CHD6: variants seen among roughly 807,000 people sequenced by gnomAD.
CHD6 encodes ATP-dependent chromatin remodeler CHD6.
In CHD6, 50 loss-of-function variants were observed where a neutral mutation model predicts 276.9. The observed-to-expected ratio is 0.18, with a 90% CI of 0.14 to 0.23. The LOEUF is 0.23. CHD6 is among the 10% of genes least tolerant of loss of function. The probability of loss-of-function intolerance (pLI) is 1.00; values close to 1 mark genes in which losing one functional copy is unlikely to be tolerated. For missense variants in CHD6, 2,564 were observed against 3,365.8 expected (o/e 0.76, Z 5.89); for synonymous variants, 1,173 against 1,229.3 (o/e 0.95, Z 0.96).
At chr20:41,416,552 C>CT in intron 33 of CHD6, 36 bp downstream of exon 33, 1 of 1,569,598 alleles carries the variant, frequency 6.4e-7, no homozygotes, top group South Asian at 1.1e-5. Context: ...GCCCACCATT[C>CT]TTTGTTTTGT....
intron 8 of CHD6, among the ~76,000 whole-genome samples, chr20:41,495,087 T>C (rs1206105233): frequency 6.6e-6 from 1 of 151,960 alleles, no homozygotes; most frequent in East Asian, 1.9e-4. Context: ...TCATATACCG[T>C]TTCCATCTTA....
chr20:41,613,346 T>C (rs2045906691), intron 1 of CHD6, among the ~76,000 whole-genome samples: 1 of 152,348 alleles, frequency 6.6e-6, no homozygotes, highest in East Asian at 1.9e-4. Flanking sequence ...CAAGAAAATG[T>C]CAGGCACATT....
intron 32 of CHD6, 139 bp from the exon 33 acceptor site, chr20:41,416,933 G>A (rs742433): frequency 1.3e-6 from 1 of 780,026 alleles, no homozygotes; most frequent in Non-Finnish European, 2.0e-6. Context: ...ACTTTATAAG[G>A]CTTAAAATAA....
At chr20:41,572,476 T>G (rs1477178761) in intron 1 of CHD6, among the ~76,000 whole-genome samples, 1 of 152,154 alleles carries the variant, frequency 6.6e-6, no homozygotes, top group Non-Finnish European at 1.5e-5. Flanking sequence ...TCTGCTGGCT[T>G]GTATCCCAGA....
chr20:41,444,911 A>C (rs1441088544), intron 25 of CHD6, among the ~76,000 whole-genome samples: 1 of 152,260 alleles, frequency 6.6e-6, no homozygotes, highest in African/African-American at 2.4e-5. Context: ...AGGTATACCT[A>C]ACTCTTTTCA....
chr20:41,468,584 G>A (rs1295474531), intron 17 of CHD6, among the ~76,000 whole-genome samples: 1 of 152,216 alleles, frequency 6.6e-6, no homozygotes, highest in African/African-American at 2.4e-5. Flanking sequence ...ATGTCCCAGT[G>A]ATCAAGAGAT....
At chr20:41,584,930 A>C (rs2045577807) in intron 1 of CHD6, among the ~76,000 whole-genome samples, 1 of 152,170 alleles carries the variant, frequency 6.6e-6, no homozygotes, top group African/African-American at 2.4e-5. Context: ...GAAGCAGAAG[A>C]AATCATAATG....
chr20:41,476,124 C>G (rs2043163028), intron 16 of CHD6, among the ~76,000 whole-genome samples: 1 of 152,050 alleles, frequency 6.6e-6, no homozygotes, highest in African/African-American at 2.4e-5. Flanking sequence ...AAACTGACAG[C>G]TGGAGAGGCA....
chr20:41,456,208 A>G (rs1229157893), intron 18 of CHD6, among the ~76,000 whole-genome samples: 1 of 152,088 alleles, frequency 6.6e-6, no homozygotes, highest in Non-Finnish European at 1.5e-5. Context: ...CACATGATCC[A>G]AGGTCCCTAA....
chr20:41,404,566 A>G lies in CHD6; in HGVS notation c.*27T>C. 1 of 1,471,792 alleles carries G rather than the reference A, an allele frequency of 6.8e-7. No individual in the cohort carries two copies. 91.2% of individuals were successfully genotyped at this position (1,471,792 alleles called of 1,614,324 possible). ...TTATGGGATAAGAAACTTACAAGTC[A>G]CAATAATTTCTTAAATGAAAAAAGT... On this transcript the variant is annotated 3_prime_UTR_variant, in exon 37 of 37. Coordinates refer to ENST00000373233, the MANE Select transcript of CHD6 (RefSeq NM_032221.5).
intron 25 of CHD6, among the ~76,000 whole-genome samples, chr20:41,442,320 T>C (rs1005976805): frequency 6.6e-6 from 1 of 150,820 alleles, no homozygotes; most frequent in African/African-American, 2.4e-5. Flanking sequence ...GGCATGGTGG[T>C]GTGCACCTGT....
chr20:41,518,455 AG>A lies in CHD6; in HGVS notation c.555-3504del, dbSNP rs199715558. On this transcript the variant is annotated intron_variant, in intron 3 of 36. Transcript: ENST00000373233. ...TTTGAGCAACATGTTAAATGTTGAA[AG>A]GAGGGGGGAATCATGGTGAAGCACT... 5.6e-3 allele frequency among the ~76,000 whole-genome samples: 851 copies of A among 152,288 alleles called. 8 individuals are homozygous for A. The highest frequency in any genetic ancestry group is 0.024 in the Middle Eastern group (7 of 294).
At chr20:41,423,424 T>A in intron 30 of CHD6, 68 bp downstream of exon 30, 1 of 1,469,194 alleles carries the variant, frequency 6.8e-7, no homozygotes, top group Non-Finnish European at 9.5e-7. Flanking sequence ...CCTAAAGTAA[T>A]TCTGCAATTT....
intron 1 of CHD6, among the ~76,000 whole-genome samples, chr20:41,596,151 C>T (rs1030725620): frequency 6.6e-6 from 1 of 152,158 alleles, no homozygotes; most frequent in Non-Finnish European, 1.5e-5. Flanking sequence ...CCAAACATGC[C>T]CCTCCCTCAG....
chr20:41,499,243 G>T, intron 6 of CHD6, 52 bp downstream of exon 6: 1 of 1,401,150 alleles, frequency 7.1e-7, no homozygotes. Context: ...TCTCTTCACA[G>T]AAGATGTAAT....
intron 1 of CHD6, among the ~76,000 whole-genome samples, chr20:41,584,048 T>C (rs1221469182): frequency 6.6e-6 from 1 of 152,104 alleles, no homozygotes; most frequent in African/African-American, 2.4e-5. Flanking sequence ...GTAAACAGTC[T>C]ATACATACCA....
chr20:41,580,427 T>A (rs1158125239), intron 1 of CHD6, among the ~76,000 whole-genome samples: 1 of 151,990 alleles, frequency 6.6e-6, no homozygotes, highest in Non-Finnish European at 1.5e-5. Flanking sequence ...TTAGGGAGGC[T>A]GAGGATGGCT....
chr20:41,530,201 C>T (rs920138455), intron 3 of CHD6, among the ~76,000 whole-genome samples: 26 of 152,132 alleles, frequency 1.7e-4, no homozygotes, highest in African/African-American at 6.0e-4. Context: ...AAACGAATGC[C>T]CATTTCTATT....
chr20:41,579,529 T>C (rs865926174), intron 1 of CHD6, among the ~76,000 whole-genome samples: 10 of 150,772 alleles, frequency 6.6e-5, no homozygotes, highest in African/African-American at 2.5e-4. Flanking sequence ...CCATGAGGCA[T>C]GAAAAACTGC....
Sources: allele counts gnomAD v4.1 joint callset (sites outside exome capture counted in the v4.1 genomes callset), GRCh38; gene constraint gnomAD v4.1.1; transcripts MANE v1.5; gene names NCBI Gene and HGNC (gene_info 2026-07-23, HGNC 2026-07-21).